Variants in SOX5 observed in about 807,000 individuals in gnomAD.
SOX5 encodes the protein transcription factor SOX-5.
Under a neutral mutation model 92.0 loss-of-function variants are expected in SOX5, and 9 were observed. The observed-to-expected ratio is 0.10, with a 90% CI of 0.06 to 0.17. SOX5 has a LOEUF of 0.17. Ranked by LOEUF, SOX5 falls within the 10% of genes least tolerant of loss-of-function variation. The pLI is 1.00. For missense variants in SOX5, 642 were observed against 944.5 expected, an observed-to-expected ratio of 0.68 and a Z score of 4.20; for synonymous variants, 344 against 336.3, an observed-to-expected ratio of 1.02 and a Z score of -0.25.
At chr12:23,962,973 A>G (rs896384553) in intron 4 of SOX5, among the ~76,000 whole-genome samples, 4 of 152,196 alleles carry the variant, frequency 2.6e-5, no homozygotes, top group Non-Finnish European at 5.9e-5. Flanking sequence ...GTCCAATTAA[A>G]ACTGTTAAAT....
chr12:24,483,982 T>C (rs1946262791), intron 1 of SOX5, among the ~76,000 whole-genome samples: 1 of 152,228 alleles, frequency 6.6e-6, no homozygotes. Flanking sequence ...ATTTGTATTG[T>C]CCATTACATT....
intron 4 of SOX5, among the ~76,000 whole-genome samples, chr12:24,042,980 G>A (rs190597747): frequency 6.6e-4 from 100 of 152,250 alleles, no homozygotes; most frequent in Non-Finnish European, 8.4e-4. Flanking sequence ...GTTACATTCT[G>A]ACTATGAGTA....
rs1330107080 is a variant in SOX5, at chr12:24,500,380, T to A, written c.-251+61949A>T. 2.0e-5 allele frequency among the ~76,000 whole-genome samples: 3 copies of A among 152,170 alleles called. No homozygotes were observed. The East Asian group carries it at 5.8e-4, about 29-fold the overall frequency. On this transcript the variant is annotated intron_variant, in intron 1 of 4. Transcript: ENST00000446891. The stretch of plus-strand genomic sequence containing the variant: ...GTGTGTGTGTCTCAGAAACCATGGC[T>A]GTGTCCTTAAAAATTCCCAGATAAC...
At chr12:23,949,770 C>CTG, upstream of SOX5, 2 of 269,460 alleles carry the variant, frequency 7.4e-6, no homozygotes, top group Non-Finnish European at 1.2e-5. Context: ...CTCTCTGTCT[C>CTG]TCTCTCTCTC....
chr12:24,225,149 C>T (rs1490372578), intron 3 of SOX5, among the ~76,000 whole-genome samples: 3 of 152,264 alleles, frequency 2.0e-5, no homozygotes, highest in East Asian at 1.9e-4. Context: ...CATTGTGACA[C>T]GAACATACCC....
At chr12:23,815,701 A>G (rs2095977233) in intron 3 of SOX5, among the ~76,000 whole-genome samples, 1 of 152,222 alleles carries the variant, frequency 6.6e-6, no homozygotes. Flanking sequence ...AATGTCCACT[A>G]GGATCAGAGC....
chr12:24,361,859 G>A (rs953185579), intron 2 of SOX5, among the ~76,000 whole-genome samples: 3 of 152,178 alleles, frequency 2.0e-5, no homozygotes, highest in Non-Finnish European at 2.9e-5. Flanking sequence ...AGGCTTACCT[G>A]AGTGTACAGC....
intron 4 of SOX5, among the ~76,000 whole-genome samples, chr12:24,068,909 G>C (rs955886794): frequency 3.3e-5 from 5 of 150,986 alleles, no homozygotes; most frequent in African/African-American, 1.2e-4. Flanking sequence ...GTCACCCAGA[G>C]TTGGAGCCTC....
At chr12:23,805,462 T>C (rs548415301) in intron 3 of SOX5, among the ~76,000 whole-genome samples, 34 of 152,168 alleles carry the variant, frequency 2.2e-4, no homozygotes, top group Non-Finnish European at 3.8e-4. Flanking sequence ...ATAAATGTTA[T>C]CTACTGTTAT....
chr12:23,761,866 C>G (rs914164473), intron 3 of SOX5, among the ~76,000 whole-genome samples: 1 of 152,086 alleles, frequency 6.6e-6, no homozygotes, highest in Non-Finnish European at 1.5e-5. Flanking sequence ...AAGCTTTCAT[C>G]TGGTAGCACC....
At chr12:24,148,228 G>A (rs913628852) in intron 4 of SOX5, among the ~76,000 whole-genome samples, 7 of 151,220 alleles carry the variant, frequency 4.6e-5, no homozygotes, top group Non-Finnish European at 7.4e-5. Context: ...CAGGCATGGC[G>A]GCTCACGCCT....
chr12:24,560,763 A>C (rs1412154134), intron 1 of SOX5, among the ~76,000 whole-genome samples: 1 of 152,220 alleles, frequency 6.6e-6, no homozygotes, highest in African/African-American at 2.4e-5. Flanking sequence ...CTTTAAAGCC[A>C]TCTGGCCCTT....
At chr12:24,372,275 C>T (rs1426731358) in intron 1 of SOX5, among the ~76,000 whole-genome samples, 1 of 152,084 alleles carries the variant, frequency 6.6e-6, no homozygotes, top group African/African-American at 2.4e-5. Flanking sequence ...CTAATGCTAT[C>T]CCCACTAGCC....
intron 1 of SOX5, among the ~76,000 whole-genome samples, chr12:23,899,673 C>G (rs1261214641): frequency 6.6e-6 from 1 of 152,182 alleles, no homozygotes; most frequent in African/African-American, 2.4e-5. Flanking sequence ...TGACGTAACA[C>G]TGGTCTTAGC....
intron 4 of SOX5, among the ~76,000 whole-genome samples, chr12:23,959,628 C>T (rs938218682): frequency 9.2e-5 from 14 of 151,908 alleles, no homozygotes; most frequent in African/African-American, 3.1e-4. Flanking sequence ...ACAACAATGA[C>T]GATATCTAAG....
chr12:24,239,740 A>G (rs1328528124), intron 3 of SOX5, among the ~76,000 whole-genome samples: 1 of 152,238 alleles, frequency 6.6e-6, no homozygotes, highest in Non-Finnish European at 1.5e-5. Context: ...TGTTAAAGAC[A>G]AGAAAACAAA....
intron 2 of SOX5, among the ~76,000 whole-genome samples, chr12:24,322,362 C>T (rs1164512227): frequency 6.6e-6 from 1 of 150,936 alleles, no homozygotes; most frequent in Non-Finnish European, 1.5e-5. Flanking sequence ...TCACCTCCCC[C>T]TAGATGGAGA....
At chr12:23,780,762 GA>G (rs1490088777) in intron 3 of SOX5, among the ~76,000 whole-genome samples, 2 of 152,138 alleles carry the variant, frequency 1.3e-5, no homozygotes, top group East Asian at 3.9e-4. Flanking sequence ...TGCATTTCAT[GA>G]AGCATATACT....
At chr12:23,921,017 T>C (rs1938092657) in intron 1 of SOX5, among the ~76,000 whole-genome samples, 2 of 152,210 alleles carry the variant, frequency 1.3e-5, no homozygotes, top group Admixed American at 1.3e-4. Flanking sequence ...TAACACAGTG[T>C]CTGATACATG....
Sources: gnomAD v4.1 joint callset for allele counts (sites outside exome capture counted in the v4.1 genomes callset) on GRCh38, gnomAD v4.1.1 for gene constraint, MANE v1.5 for transcripts, NCBI Gene and HGNC (gene_info 2026-07-23, HGNC 2026-07-21) for gene names.